The following SIL1 variants were observed in gnomAD, a reference collection of about 807,000 sequenced individuals.
SIL1 encodes SIL1 nucleotide exchange factor, also known as nucleotide exchange factor SIL1.
In SIL1, 40 loss-of-function variants were observed where a neutral mutation model predicts 49.1. That is an observed-to-expected ratio of 0.81 (90% confidence interval 0.63 to 1.06). SIL1 has a LOEUF of 1.06. Among genes scored for constraint, SIL1 ranks in the 50% least tolerant of loss-of-function variants. The pLI, the probability that SIL1 is intolerant of heterozygous loss-of-function variation, is 0.00. For synonymous variants in SIL1, 253 were observed against 250.8 expected (o/e 1.01, Z -0.08); for missense variants, 500 against 572.6 (o/e 0.87, Z 1.29).
chr5:139,101,217 T>C (rs17286417), intron 3 of SIL1, among the ~76,000 whole-genome samples: 99 of 152,168 alleles, frequency 6.5e-4, no homozygotes, highest in Non-Finnish European at 1.3e-3. Context: ...CTCTGTTCTG[T>C]GCTGCCGTAC....
Position 139,127,847 on chromosome 5 carries a change from C to A in SIL1, c.-4G>T. The A allele has an allele frequency of 6.3e-7, 1 of 1,583,996 alleles. No homozygotes were observed. Among genetic ancestry groups the A allele is most frequent in the South Asian group, 1.1e-5 (1 of 87,600 alleles). On this transcript the variant is annotated 5_prime_UTR_variant, in exon 2 of 10. Coordinates refer to ENST00000394817, the MANE Select transcript of SIL1 (RefSeq NM_022464.5). ...AAGGCAGGCTCTGGGGAGCCATAGT[C>A]AGGGACCTGCAGGTGCAAGCATAGA...
At chr5:139,084,747 C>T (rs920781932) in intron 3 of SIL1, among the ~76,000 whole-genome samples, 4 of 147,676 alleles carry the variant, frequency 2.7e-5, no homozygotes, top group Non-Finnish European at 6.0e-5. Flanking sequence ...AACTAACCTG[C>T]ACAATGTGCA....
intron 7 of SIL1, among the ~76,000 whole-genome samples, chr5:138,979,591 C>T (rs1381674899): frequency 2.6e-4 from 40 of 152,160 alleles, no homozygotes; most frequent in Non-Finnish European, 3.7e-4. Context: ...GCAGCCTCTG[C>T]CTCCCAGGCT....
chr5:139,088,007 T>C (rs1770260686), intron 3 of SIL1, among the ~76,000 whole-genome samples: 1 of 151,892 alleles, frequency 6.6e-6, no homozygotes, highest in Admixed American at 6.5e-5. Flanking sequence ...ATAATGTAGG[T>C]ACCTCCCTGG....
intron 1 of SIL1, among the ~76,000 whole-genome samples, chr5:139,163,908 C>T (rs1751566165): frequency 6.6e-6 from 1 of 151,814 alleles, no homozygotes; most frequent in Admixed American, 6.6e-5. Flanking sequence ...CACTTGAGGC[C>T]AAGAGTTCAA....
chr5:139,052,390 T>C (rs1581060925), intron 3 of SIL1, among the ~76,000 whole-genome samples: 1 of 152,148 alleles, frequency 6.6e-6, no homozygotes, highest in Non-Finnish European at 1.5e-5. Context: ...ACCCCAACCA[T>C]TATTTTCAAG....
chr5:138,963,563 G>A (rs113188400), intron 7 of SIL1, among the ~76,000 whole-genome samples: 7,295 of 152,282 alleles, frequency 0.048, 240 homozygotes, highest in Non-Finnish European at 0.077. Context: ...TTTGGAAGTC[G>A]TATAGACTAC....
Position 138,957,499 on chromosome 5 carries a change from A to G in SIL1, c.768-5615T>C, listed in dbSNP as rs146612283. Reference sequence around the variant, plus strand: ...CTCGGGAGGCTGAGGTAGGAGGATCACTTGAGCCCAGGAGGCTGAGGCTGC... The same window carrying G: ...CTCGGGAGGCTGAGGTAGGAGGATCGCTTGAGCCCAGGAGGCTGAGGCTGC... On this transcript the variant is annotated intron_variant, in intron 7 of 9. Transcript: ENST00000394817. Among the ~76,000 whole-genome samples the G allele has an allele frequency of 5.6e-3, 848 of 152,018 alleles. 11 individuals carry two copies. Among genetic ancestry groups the G allele is most frequent in the African/African-American group, 0.02 (809 of 41,456 alleles).
chr5:138,996,337 AT>A (rs1439367705), intron 7 of SIL1, among the ~76,000 whole-genome samples: 2 of 152,168 alleles, frequency 1.3e-5, no homozygotes, highest in African/African-American at 4.8e-5. Context: ...CTTTTGAAAA[AT>A]GTCTGTTCAG....
intron 1 of SIL1, among the ~76,000 whole-genome samples, chr5:139,174,265 C>G (rs943075050): frequency 1.3e-5 from 2 of 152,036 alleles, no homozygotes; most frequent in African/African-American, 4.8e-5. Flanking sequence ...TTTGGGAGGC[C>G]AAGATAGGAT....
In SIL1 at chr5:139,050,958, T is replaced by G. The variant is rs747066201; in HGVS notation, c.333A>C (p.Arg111=). 6.2e-7 allele frequency: 1 copy of G among 1,614,050 alleles called. No homozygotes were observed. Among genetic ancestry groups the G allele is most frequent in the African/African-American group, 1.3e-5 (1 of 74,924 alleles). ...EAKLQYEDKF[R]NNLKGKRLDI... ...TGTACCTTTTGCCTTTCAAATTATT[T>G]CGGAACTTGTCCTCATATTGGAGTT... Residue 111 remains arginine, a synonymous_variant, in exon 4 of 10, where the codon CGA becomes CGC. Transcript: ENST00000394817.
intron 7 of SIL1, among the ~76,000 whole-genome samples, chr5:139,003,714 C>T (rs914148804): frequency 2.6e-5 from 4 of 152,138 alleles, no homozygotes; most frequent in Non-Finnish European, 4.4e-5. Context: ...GAGAGAGAAA[C>T]TGAAAGCTGG....
chr5:139,033,615 C>G (rs1490526881), intron 5 of SIL1, among the ~76,000 whole-genome samples: 1 of 151,486 alleles, frequency 6.6e-6, no homozygotes, highest in Non-Finnish European at 1.5e-5. Context: ...TCCTCTTTGA[C>G]TTGACTGGAG....
At chr5:139,150,602 G>C (rs1413244199) in intron 1 of SIL1, among the ~76,000 whole-genome samples, 1 of 152,108 alleles carries the variant, frequency 6.6e-6, no homozygotes, top group Non-Finnish European at 1.5e-5. Flanking sequence ...ACATGGCTTT[G>C]ACGAATCTCT....
rs112633238 is a variant in SIL1 at position 139,058,056 on chromosome 5, A to C, written c.245-7010T>G. 5.6e-3 allele frequency among the ~76,000 whole-genome samples: 849 copies of C among 152,364 alleles called. 4 individuals are homozygous for C. Among genetic ancestry groups the C allele is most frequent in the African/African-American group, 0.02 (814 of 41,576 alleles). ...ATGTGATAAATGAATTAATAAAAGT[A>C]GTATATCCATATAATATTATTCACC... On this transcript the variant is annotated intron_variant, in intron 3 of 9. Coordinates refer to ENST00000394817, the MANE Select transcript of SIL1 (RefSeq NM_022464.5).
intron 3 of SIL1, among the ~76,000 whole-genome samples, chr5:139,071,698 C>T: frequency 7.0e-6 from 1 of 142,198 alleles, no homozygotes; most frequent in African/African-American, 2.7e-5. Context: ...GACGGAGTCT[C>T]ACTCTGTCGC....
In SIL1 at chr5:139,051,171, C is replaced by T. The variant is rs553713383; in HGVS notation, c.245-125G>A. The T allele has an allele frequency of 5.2e-6, 4 of 772,060 alleles. No individual in the cohort carries two copies. The South Asian group carries it at 5.6e-5, about 11-fold the overall frequency. The allele number at this position is 772,060 out of a possible 1,614,324, so 47.8% of individuals were successfully genotyped here. A position where few individuals can be genotyped will look rare whatever the true frequency, so the allele number is the denominator to read the frequency against. The stretch of plus-strand genomic sequence containing the variant: ...CGACTCAGCTGTGTTCAGTTACCTC[C>T]TCAATCCACCCATCCCTCTCCCTTG... On this transcript the variant is annotated intron_variant, in intron 3 of 9. Coordinates refer to ENST00000394817, the MANE Select transcript of SIL1 (RefSeq NM_022464.5).
rs943231525 is a variant in SIL1 at position 139,187,499 on chromosome 5, C to A, written c.-11+10770G>T. On this transcript the variant is annotated intron_variant, in intron 1 of 9. Coordinates refer to ENST00000394817, the MANE Select transcript of SIL1 (RefSeq NM_022464.5). ...GCCACTCCACTCCAGCCTGGGGCAA[C>A]AGAGCAAGACTCCATCTTAAAAAAA... is the stretch of plus-strand genomic sequence containing the variant. 2.1e-4 allele frequency among the ~76,000 whole-genome samples: 30 copies of A among 139,892 alleles called. 1 individual carries two copies. The highest frequency in any genetic ancestry group is 1.7e-3 in the Admixed American group (23 of 13,536). 91.8% of individuals were successfully genotyped at this position (139,892 alleles called of 152,430 possible).
intron 3 of SIL1, among the ~76,000 whole-genome samples, chr5:139,092,530 A>G (rs1366472752): frequency 1.3e-5 from 2 of 152,176 alleles, no homozygotes; most frequent in African/African-American, 4.8e-5. Context: ...TTTATCTCCA[A>G]AAGAAATCTA....
Sources: allele counts gnomAD v4.1 joint callset (sites outside exome capture counted in the v4.1 genomes callset), GRCh38; gene constraint gnomAD v4.1.1; transcripts MANE v1.5; gene names NCBI Gene and HGNC (gene_info 2026-07-23, HGNC 2026-07-21).